The following AUTS2 variants were observed in gnomAD, a reference collection of about 807,000 sequenced individuals.
AUTS2 encodes the protein autism susceptibility gene 2 protein.
A neutral mutation model predicts 112.4 loss-of-function variants in AUTS2; 17 were observed. That is an observed-to-expected ratio of 0.15 (90% CI 0.10 to 0.23). The LOEUF is 0.23. Ranked by LOEUF, AUTS2 falls within the 10% of genes least tolerant of loss-of-function variation. The pLI is 1.00. For missense variants in AUTS2, 1,510 were observed against 1,701.6 expected (o/e 0.89, Z 1.98); for synonymous variants, 751 against 702.7 (o/e 1.07, Z -1.09).
chr7:70,039,423 C>A (rs903695189), intron 2 of AUTS2, among the ~76,000 whole-genome samples: 1 of 151,936 alleles, frequency 6.6e-6, no homozygotes, highest in Non-Finnish European at 1.5e-5. Flanking sequence ...AGTGCAGTGG[C>A]GCGATCTTGG....
chr7:69,874,921 G>A (rs981664550), intron 1 of AUTS2, among the ~76,000 whole-genome samples: 2 of 151,368 alleles, frequency 1.3e-5, no homozygotes, highest in African/African-American at 4.9e-5. Context: ...GAGCCATTAC[G>A]TCCAGTTGCA....
chr7:70,771,083 C>T (rs1179566786), intron 10 of AUTS2: 1 of 152,358 alleles, frequency 6.6e-6, no homozygotes, highest in Non-Finnish European at 1.5e-5. Flanking sequence ...TCTGAAAGTA[C>T]TAATTGAGTT....
At chr7:69,744,705 A>AGGT in intron 1 of AUTS2, among the ~76,000 whole-genome samples, 1 of 151,918 alleles carries the variant, frequency 6.6e-6, no homozygotes. Context: ...ATGTGGTGGC[A>AGGT]TATGCCTGTA....
intron 1 of AUTS2, among the ~76,000 whole-genome samples, chr7:69,736,006 T>G (rs1046011783): frequency 6.6e-6 from 1 of 152,230 alleles, no homozygotes; most frequent in Non-Finnish European, 1.5e-5. Flanking sequence ...TGCAGGGACT[T>G]TGTTTCCTAT....
intron 5 of AUTS2, among the ~76,000 whole-genome samples, chr7:70,601,227 G>A (rs1188986896): frequency 1.3e-5 from 2 of 152,250 alleles, no homozygotes; most frequent in Non-Finnish European, 2.9e-5. Flanking sequence ...TGAATGTGAA[G>A]TGGTATCTCA....
chr7:70,184,019 G>T lies in AUTS2; in HGVS notation c.660+49448G>T, dbSNP rs573949824. On this transcript the variant is annotated intron_variant, in intron 4 of 18. Coordinates refer to ENST00000342771, the MANE Select transcript of AUTS2 (RefSeq NM_015570.4). ...GGAGGTATCTATTGTAGTTTGGCCA[G>T]TGAAGGCAGGTCATAGAGGAAAATT... 9.2e-5 allele frequency among the ~76,000 whole-genome samples: 14 copies of T among 152,212 alleles called. No homozygotes were observed. The South Asian group carries it at 2.9e-3, about 32-fold the overall frequency.
chr7:69,936,881 C>T (rs1796434212), intron 2 of AUTS2, among the ~76,000 whole-genome samples: 2 of 152,148 alleles, frequency 1.3e-5, no homozygotes, highest in African/African-American at 2.4e-5. Flanking sequence ...TCCCTTTCTC[C>T]TTTTTCTCTC....
chr7:70,474,319 G>A (rs971704260), intron 5 of AUTS2, among the ~76,000 whole-genome samples: 1 of 152,158 alleles, frequency 6.6e-6, no homozygotes, highest in Admixed American at 6.5e-5. Flanking sequence ...TGCCCTCTAG[G>A]CCTGTGTCCT....
chr7:69,914,390 C>CACACAG (rs1554403938), intron 2 of AUTS2, among the ~76,000 whole-genome samples: 36 of 151,282 alleles, frequency 2.4e-4, no homozygotes, highest in African/African-American at 7.8e-4. Context: ...CACACACACA[C>CACACAG]ACACAAACAA....
intron 4 of AUTS2, among the ~76,000 whole-genome samples, chr7:70,272,325 CA>C (rs1292512461): frequency 6.6e-6 from 1 of 151,654 alleles, no homozygotes; most frequent in Admixed American, 6.6e-5. Context: ...AATGCACAAT[CA>C]CCTTAGATTT....
intron 2 of AUTS2, among the ~76,000 whole-genome samples, chr7:69,900,472 T>G (rs1401977062): frequency 6.6e-6 from 1 of 152,160 alleles, no homozygotes; most frequent in Non-Finnish European, 1.5e-5. Flanking sequence ...ACCACACAGA[T>G]CTTGAGAATC....
intron 1 of AUTS2, among the ~76,000 whole-genome samples, chr7:69,823,768 T>C (rs1791109775): frequency 6.6e-6 from 1 of 151,002 alleles, no homozygotes; most frequent in Admixed American, 6.6e-5. Context: ...GATTGCTAGG[T>C]GGAAAAAAAA....
At chr7:69,805,455 A>G (rs529349936) in intron 1 of AUTS2, among the ~76,000 whole-genome samples, 2 of 152,344 alleles carry the variant, frequency 1.3e-5, no homozygotes, top group Admixed American at 1.3e-4. Flanking sequence ...CCAATGAAGA[A>G]TGAAAGAGGC....
intron 1 of AUTS2, among the ~76,000 whole-genome samples, chr7:69,879,120 C>CTGTG (rs5884770): frequency 0.018 from 2,599 of 147,794 alleles, 52 homozygotes; most frequent in African/African-American, 0.049. Flanking sequence ...TTGAGACTTT[C>CTGTG]TGTGTGTGTG....
intron 5 of AUTS2, among the ~76,000 whole-genome samples, chr7:70,552,487 A>G (rs1801054986): frequency 6.6e-6 from 1 of 152,240 alleles, no homozygotes. Flanking sequence ...ATTTCAGCAA[A>G]AGAAACTTCT....
intron 2 of AUTS2, among the ~76,000 whole-genome samples, chr7:70,020,411 T>C (rs1800217271): frequency 6.6e-6 from 1 of 152,216 alleles, no homozygotes; most frequent in South Asian, 2.1e-4. Context: ...TTTGATGGAC[T>C]CTGCAAGAGA....
Position 70,109,965 on chromosome 7 carries a change from A to G in AUTS2, c.523-8167A>G, listed in dbSNP as rs372981814. On this transcript the variant is annotated intron_variant, in intron 2 of 18. Coordinates refer to ENST00000342771, the MANE Select transcript of AUTS2 (RefSeq NM_015570.4). ...AGTTATACATCAAACACTGCCTTTT[A>G]CACTTCCATTTTCTTGCCTTCACAT... 1.4e-4 allele frequency among the ~76,000 whole-genome samples: 21 copies of G among 152,204 alleles called. 1 individual carries two copies. Among genetic ancestry groups the G allele is most frequent in the East Asian group, 9.6e-4 (5 of 5,200 alleles).
chr7:70,768,795 A>G (rs1790107990), intron 10 of AUTS2, among the ~76,000 whole-genome samples: 1 of 151,740 alleles, frequency 6.6e-6, no homozygotes, highest in Admixed American at 6.6e-5. Context: ...AAGACCTTGA[A>G]TATTTCCATG....
intron 4 of AUTS2, among the ~76,000 whole-genome samples, chr7:70,151,463 G>C (rs756898837): frequency 6.6e-6 from 1 of 152,040 alleles, no homozygotes; most frequent in Admixed American, 6.6e-5. Flanking sequence ...GCTACAGTTT[G>C]CCGTGACACT....
Sources: allele counts gnomAD v4.1 joint callset (sites outside exome capture counted in the v4.1 genomes callset), GRCh38; gene constraint gnomAD v4.1.1; transcripts MANE v1.5; gene names NCBI Gene and HGNC (gene_info 2026-07-23, HGNC 2026-07-21).